Variants in DNAJC6 observed in about 807,000 individuals in gnomAD.
DNAJC6 encodes DnaJ heat shock protein family (Hsp40) member C6.
Under a neutral mutation model 110.0 loss-of-function variants are expected in DNAJC6, and 34 were observed. The ratio of observed to expected loss-of-function variants is 0.31; its 90% CI spans 0.24 to 0.41. The LOEUF (loss-of-function observed/expected upper bound fraction) is 0.41. DNAJC6 is among the 10% of genes least tolerant of loss of function. The pLI, the probability that DNAJC6 is intolerant of heterozygous loss-of-function variation, is 1.00. For missense variants in DNAJC6, 1,031 were observed against 1,207.8 expected, an observed-to-expected ratio of 0.85 and a Z score of 2.17; for synonymous variants, 406 against 437.2, an observed-to-expected ratio of 0.93 and a Z score of 0.89.
At chr1:65,266,158 A>G (rs189592677) in intron 1 of DNAJC6, among the ~76,000 whole-genome samples, 1 of 152,148 alleles carries the variant, frequency 6.6e-6, no homozygotes, top group East Asian at 1.9e-4. Flanking sequence ...CTCTGCGCGC[A>G]GCGCCGCGGG....
At position 65,382,990 on chromosome 1, in the gene DNAJC6, A is replaced by G. The variant is rs1335306367; in HGVS notation, c.667-1203A>G. Among the ~76,000 whole-genome samples, 7 of 152,360 alleles carry G rather than the reference A, an allele frequency of 4.6e-5. No homozygotes were observed. The East Asian group carries it at 1.3e-3, about 29-fold the overall frequency. On this transcript the variant is annotated intron_variant, in intron 5 of 18. Transcript: ENST00000371069. ...TATTTCAGATATGTGAAGGACTGCC[A>G]TAGGAAGAAAGGAGTAGGTTTATTT... is the stretch of plus-strand genomic sequence containing the variant.
rs550296923 is a variant in DNAJC6, at chr1:65,405,974, G to A, written c.2332G>A (p.Gly778Arg). 8.1e-6 allele frequency: 13 copies of A among 1,614,208 alleles called. No individual in the cohort carries two copies. Among genetic ancestry groups the A allele is most frequent in the African/African-American group, 1.3e-5 (1 of 75,046 alleles). The change falls in exon 16 of 19, where the codon GGG becomes AGG. Residue 778 changes from glycine to arginine, a missense_variant. Coordinates refer to ENST00000371069, the MANE Select transcript of DNAJC6 (RefSeq NM_001256864.2). ...QKASPQPMGGGWQQGGAYNWQ... is the reference protein window; with the variant it reads ...QKASPQPMGGRWQQGGAYNWQ... Reference sequence around the variant, plus strand: ...GGCGTCTCCCCAGCCTATGGGTGGCGGGTGGCAGCAGGGAGGTGCCTACAA... The same window carrying A: ...GGCGTCTCCCCAGCCTATGGGTGGCAGGTGGCAGCAGGGAGGTGCCTACAA...
chr1:65,270,300 A>G (rs1198568111), intron 1 of DNAJC6, among the ~76,000 whole-genome samples: 2 of 152,180 alleles, frequency 1.3e-5, no homozygotes, highest in Non-Finnish European at 2.9e-5. Context: ...ATGTATATAT[A>G]TATACATATG....
chr1:65,395,148 A>T (rs1182664715), intron 13 of DNAJC6, 116 bp downstream of exon 13: 14 of 1,149,898 alleles, frequency 1.2e-5, no homozygotes. Context: ...TTCCTCACAC[A>T]TCTCTGTTTT....
At chr1:65,279,109 G>C in intron 1 of DNAJC6, 1 of 985,396 alleles carries the variant, frequency 1.0e-6, no homozygotes, top group Non-Finnish European at 1.2e-6. Context: ...AATCTAACAA[G>C]AGCCCAGCAC....
In DNAJC6 at chr1:65,379,499, A is replaced by G. The variant is rs768948356; in HGVS notation, c.641A>G (p.Lys214Arg). 1 of 1,614,060 alleles carries G rather than the reference A, an allele frequency of 6.2e-7. No individual in the cohort carries two copies. Among genetic ancestry groups the G allele is most frequent in the Middle Eastern group, 1.6e-4 (1 of 6,062 alleles). The change falls in exon 5 of 19, where the codon AAA becomes AGA. Residue 214 changes from lysine (K) to arginine (R), a missense_variant. Lys to Arg is a conservative substitution (Grantham distance 26). Transcript: ENST00000371069. The stretch of plus-strand genomic sequence containing the variant: ...TATAACTGGCTACTGCAGAATCCCA[A>G]AAATGTCTGTGTTGTCCACTGCTTG... Reference protein sequence around the residue: ...NMYNWLLQNPKNVCVVHCLDG... With the variant: ...NMYNWLLQNPRNVCVVHCLDG...
chr1:65,351,562 C>T (rs1645489941), intron 1 of DNAJC6, among the ~76,000 whole-genome samples: 1 of 152,122 alleles, frequency 6.6e-6, no homozygotes, highest in South Asian at 2.1e-4. Context: ...GGACTTTTAT[C>T]TGAAATGTTT....
intron 18 of DNAJC6, 46 bp downstream of exon 18, chr1:65,411,472 C>T: frequency 6.4e-7 from 1 of 1,560,458 alleles, no homozygotes; most frequent in Non-Finnish European, 8.7e-7. Context: ...GTCCTTGCTT[C>T]ATTATCTTAT....
chr1:65,270,671 T>G (rs915099705), intron 1 of DNAJC6, among the ~76,000 whole-genome samples: 1 of 152,174 alleles, frequency 6.6e-6, no homozygotes, highest in Non-Finnish European at 1.5e-5. Flanking sequence ...TACATTTTTA[T>G]TTTTTGTTTT....
chr1:65,379,974 T>C (rs1004696768), intron 5 of DNAJC6, among the ~76,000 whole-genome samples: 8 of 152,232 alleles, frequency 5.3e-5, no homozygotes, highest in Admixed American at 5.2e-4. Context: ...GCATTCCCAG[T>C]GAGACTAATG....
intron 1 of DNAJC6, among the ~76,000 whole-genome samples, chr1:65,325,343 G>A (rs1413009538): frequency 2.0e-5 from 3 of 152,220 alleles, no homozygotes; most frequent in Non-Finnish European, 4.4e-5. Flanking sequence ...TTAGAAGACA[G>A]TATATTATTG....
chr1:65,264,766 T>C (rs1331882982), exon 1 of DNAJC6: 1 of 1,469,176 alleles, frequency 6.8e-7, no homozygotes, highest in Non-Finnish European at 9.0e-7. Context: ...CACACCGACT[T>C]GCATGCAATT....
At chr1:65,381,053 G>C (rs949891740) in intron 5 of DNAJC6, among the ~76,000 whole-genome samples, 4 of 150,808 alleles carry the variant, frequency 2.7e-5, no homozygotes, top group African/African-American at 9.8e-5. Flanking sequence ...CGAGTAGCTG[G>C]GACTACAGGC....
At chr1:65,360,758 GTTCCTGGCCTTTTA>G (rs1312675099) in intron 1 of DNAJC6, among the ~76,000 whole-genome samples, 4 of 152,168 alleles carry the variant, frequency 2.6e-5, no homozygotes, top group African/African-American at 9.6e-5. Flanking sequence ...CATTAGACCT[GTTCCTGGCCTTTTA>G]TTCAGGGCTG....
chr1:65,397,145 G>A (rs192232040), intron 13 of DNAJC6, among the ~76,000 whole-genome samples: 33 of 152,178 alleles, frequency 2.2e-4, no homozygotes, highest in African/African-American at 7.9e-4. Flanking sequence ...TTGTACTAGC[G>A]AGTGGAAAGA....
chr1:65,373,529 G>T lies in DNAJC6; in HGVS notation c.544-5873G>T, dbSNP rs115905610. Among the ~76,000 whole-genome samples the T allele has an allele frequency of 1.9e-3, 293 of 152,092 alleles. 1 individual carries two copies. The highest frequency in any genetic ancestry group is 6.8e-3 in the African/African-American group (284 of 41,506). ...ATTTTGATTTGCATTTCTCTGATTA[G>T]TGATGTTGGACATTTTTTCATATAA... is the stretch of plus-strand genomic sequence containing the variant. On this transcript the variant is annotated intron_variant, in intron 4 of 18. Transcript: ENST00000371069.
At chr1:65,302,621 C>T (rs961668778) in intron 1 of DNAJC6, among the ~76,000 whole-genome samples, 1 of 147,468 alleles carries the variant, frequency 6.8e-6, no homozygotes, top group South Asian at 2.2e-4. Context: ...CTGCAAGCTC[C>T]GCTTCCCGGG....
chr1:65,394,912 C>T lies in DNAJC6; in HGVS notation c.1918C>T (p.Pro640Ser). 6.3e-7 allele frequency: 1 copy of T among 1,599,102 alleles called. No homozygotes were observed. The highest frequency in any genetic ancestry group is 1.7e-4 in the Middle Eastern group (1 of 6,014). ...LRVGEGATFD[P>S]FGAPSKPSGQ... ...TTGTTTTCTAGGTGCCACCTTTGAC[C>T]CATTTGGAGCACCTTCTAAACCATC... The change falls in exon 13 of 19, where the codon CCA (proline) becomes TCA (serine). Residue 640 changes from proline (P) to serine (S), a missense_variant. By Grantham distance (74) the Pro-to-Ser change is moderately conservative. Coordinates refer to ENST00000371069, the MANE Select transcript of DNAJC6 (RefSeq NM_001256864.2).
chr1:65,336,385 C>A (rs1645337240), intron 1 of DNAJC6, among the ~76,000 whole-genome samples: 1 of 152,102 alleles, frequency 6.6e-6, no homozygotes, highest in Admixed American at 6.6e-5. Flanking sequence ...AACCACAGTT[C>A]AAGATGAGAT....
Sources: allele counts gnomAD v4.1 joint callset (sites outside exome capture counted in the v4.1 genomes callset), GRCh38; gene constraint gnomAD v4.1.1; transcripts MANE v1.5; gene names NCBI Gene and HGNC (gene_info 2026-07-23, HGNC 2026-07-21).